NKAIN2: variants seen among roughly 807,000 people sequenced by gnomAD.
NKAIN2 encodes sodium/potassium transporting ATPase interacting 2.
Under a neutral mutation model 32.6 loss-of-function variants are expected in NKAIN2, and 14 were observed. The ratio of observed to expected loss-of-function variants is 0.43; its 90% CI spans 0.28 to 0.67. NKAIN2 has a LOEUF of 0.67. Among genes scored for constraint, NKAIN2 ranks in the 30% least tolerant of loss-of-function variants. NKAIN2 has a pLI of 0.17. For missense variants in NKAIN2, 198 were observed against 258.3 expected, an observed-to-expected ratio of 0.77 and a Z score of 1.60; for synonymous variants, 80 against 87.2, an observed-to-expected ratio of 0.92 and a Z score of 0.46.
In NKAIN2 at chr6:124,004,722, G is replaced by C. The variant is rs1030546959; in HGVS notation, c.54+200468G>C. On this transcript the variant is annotated intron_variant, in intron 1 of 6. Coordinates refer to ENST00000368417, the MANE Select transcript of NKAIN2 (RefSeq NM_001040214.3). ...ACCGGGGCCTGTCAGGTGGTGGGGG[G>C]ATGGGGGAGGTATAGCATTAGGAGA... Among the ~76,000 whole-genome samples the C allele has an allele frequency of 2.0e-5, 3 of 151,862 alleles. No individual in the cohort carries two copies. The East Asian group carries it at 5.8e-4, about 30-fold the overall frequency.
chr6:124,113,618 G>A lies in NKAIN2; in HGVS notation c.55-169387G>A, dbSNP rs140176322. 4.1e-3 allele frequency among the ~76,000 whole-genome samples: 588 copies of A among 144,826 alleles called. 3 individuals carry two copies. Among genetic ancestry groups the A allele is most frequent in the African/African-American group, 0.013 (539 of 40,324 alleles). ...AAAGGCCAGTTCTCTGTGTCCCCCC[G>A]CCCCGACTCCCCACCCTGCTTCCTT... On this transcript the variant is annotated intron_variant, in intron 1 of 6. Transcript: ENST00000368417.
At chr6:124,506,149 C>G (rs1442493697) in intron 3 of NKAIN2, among the ~76,000 whole-genome samples, 1 of 151,658 alleles carries the variant, frequency 6.6e-6, no homozygotes, top group Non-Finnish European at 1.5e-5. Context: ...CCACTGCACT[C>G]CAGCCTCGGG....
rs534856377 is a variant in NKAIN2, at chr6:124,778,057, T to C, written c.475-13282T>C. 7.2e-4 allele frequency among the ~76,000 whole-genome samples: 110 copies of C among 152,020 alleles called. 2 individuals are homozygous for C. The highest frequency in any genetic ancestry group is 2.2e-3 in the African/African-American group (90 of 41,478). On this transcript the variant is annotated intron_variant, in intron 4 of 6. Coordinates refer to ENST00000368417, the MANE Select transcript of NKAIN2 (RefSeq NM_001040214.3). The stretch of plus-strand genomic sequence containing the variant: ...AAGTCATTAAGGTACAGTGAGGAGA[T>C]AGACAGATTGTCATCAAACTTCGCT...
intron 1 of NKAIN2, among the ~76,000 whole-genome samples, chr6:124,106,800 G>T (rs557881382): frequency 1.3e-5 from 2 of 152,092 alleles, no homozygotes; most frequent in Non-Finnish European, 2.9e-5. Context: ...CCTCCTATGT[G>T]TGCCAGGCAC....
chr6:124,054,619 TAG>T (rs1019427167), intron 1 of NKAIN2, among the ~76,000 whole-genome samples: 1 of 152,086 alleles, frequency 6.6e-6, no homozygotes, highest in African/African-American at 2.4e-5. Flanking sequence ...ACTCTAGCCA[TAG>T]AGTCAGAATG....
chr6:124,157,386 T>C (rs1262395415), intron 1 of NKAIN2, among the ~76,000 whole-genome samples: 1 of 152,170 alleles, frequency 6.6e-6, no homozygotes, highest in Non-Finnish European at 1.5e-5. Context: ...ACTTTCCTTC[T>C]TTATTTTCTG....
At chr6:124,195,455 T>C (rs925731728) in intron 1 of NKAIN2, among the ~76,000 whole-genome samples, 4 of 152,162 alleles carry the variant, frequency 2.6e-5, no homozygotes, top group Non-Finnish European at 4.4e-5. Flanking sequence ...TACAGCTTTC[T>C]GCCCACACTT....
intron 1 of NKAIN2, among the ~76,000 whole-genome samples, chr6:124,160,560 A>G (rs1274351069): frequency 6.6e-6 from 1 of 152,178 alleles, no homozygotes; most frequent in Non-Finnish European, 1.5e-5. Flanking sequence ...TGTTTTGCAT[A>G]TATTCAGCTA....
chr6:124,590,925 C>T (rs1237423701), intron 3 of NKAIN2, among the ~76,000 whole-genome samples: 4 of 152,138 alleles, frequency 2.6e-5, no homozygotes, highest in Non-Finnish European at 1.5e-5. Flanking sequence ...GTAGAGAATA[C>T]AATCACTCAA....
intron 1 of NKAIN2, among the ~76,000 whole-genome samples, chr6:123,813,500 T>C (rs1773563609): frequency 6.6e-6 from 1 of 152,172 alleles, no homozygotes; most frequent in Admixed American, 6.5e-5. Context: ...AATTACATAT[T>C]TGAAGGCTTT....
In NKAIN2 at chr6:124,013,714, A is replaced by G. The variant is rs183818795; in HGVS notation, c.54+209460A>G. On this transcript the variant is annotated intron_variant, in intron 1 of 6. Coordinates refer to ENST00000368417, the MANE Select transcript of NKAIN2 (RefSeq NM_001040214.3). The stretch of plus-strand genomic sequence containing the variant: ...CAGGGTTGTTAAACATGAGGGGGAA[A>G]GATTATCCAGGTGGGCCCAGTTTAA... Among the ~76,000 whole-genome samples, 235 of 152,320 alleles carry G rather than the reference A, an allele frequency of 1.5e-3. 1 individual carries two copies. The highest frequency in any genetic ancestry group is 3.4e-3 in the Middle Eastern group (1 of 294).
At chr6:124,637,316 T>A (rs529406138) in intron 3 of NKAIN2, among the ~76,000 whole-genome samples, 3 of 151,994 alleles carry the variant, frequency 2.0e-5, no homozygotes, top group Non-Finnish European at 4.4e-5. Flanking sequence ...AAGCCTTTCC[T>A]CTAAAAAACT....
intron 1 of NKAIN2, among the ~76,000 whole-genome samples, chr6:124,013,582 A>T (rs1780433727): frequency 6.6e-6 from 1 of 152,206 alleles, no homozygotes; most frequent in South Asian, 2.1e-4. Context: ...AGTCATGATA[A>T]TCTGTGTGGT....
chr6:123,946,079 C>G lies in NKAIN2; in HGVS notation c.54+141825C>G, dbSNP rs185474565. 2.6e-3 allele frequency among the ~76,000 whole-genome samples: 399 copies of G among 152,140 alleles called. 2 individuals carry two copies. Among genetic ancestry groups the G allele is most frequent in the Non-Finnish European group, 5.1e-3 (350 of 67,982 alleles). ...CAGTTATTTGAAAATCTGTAACCACCTGTATAGTCTTATTTGCATAATAAA... is the reference window on the plus strand; with the variant it reads ...CAGTTATTTGAAAATCTGTAACCACGTGTATAGTCTTATTTGCATAATAAA... On this transcript the variant is annotated intron_variant, in intron 1 of 6. Coordinates refer to ENST00000368417, the MANE Select transcript of NKAIN2 (RefSeq NM_001040214.3).
chr6:124,219,024 A>C (rs1464812855), intron 1 of NKAIN2, among the ~76,000 whole-genome samples: 3 of 151,996 alleles, frequency 2.0e-5, no homozygotes, highest in Non-Finnish European at 4.4e-5. Flanking sequence ...GGAACTTCCA[A>C]ACGCTTACTG....
chr6:124,028,902 T>C (rs547267844), intron 1 of NKAIN2, among the ~76,000 whole-genome samples: 40 of 81,304 alleles, frequency 4.9e-4, no homozygotes, highest in South Asian at 3.8e-3. Context: ...TATATATATA[T>C]ACACATATAT....
chr6:124,427,426 T>C (rs940589939), intron 3 of NKAIN2, among the ~76,000 whole-genome samples: 2 of 152,236 alleles, frequency 1.3e-5, no homozygotes, highest in Admixed American at 6.5e-5. Flanking sequence ...CATACTTGTA[T>C]GCATAAGCCC....
chr6:124,333,231 C>T (rs1408082179), intron 2 of NKAIN2, among the ~76,000 whole-genome samples: 1 of 152,170 alleles, frequency 6.6e-6, no homozygotes, highest in Non-Finnish European at 1.5e-5. Context: ...TCAAAAACCT[C>T]AATATTAACA....
At chr6:124,716,424 G>A (rs994029919) in intron 4 of NKAIN2, among the ~76,000 whole-genome samples, 3 of 152,198 alleles carry the variant, frequency 2.0e-5, no homozygotes, top group African/African-American at 7.2e-5. Context: ...GCCAGAGTCT[G>A]AGAATATCAG....
Sources: gnomAD v4.1 joint callset for allele counts (sites outside exome capture counted in the v4.1 genomes callset) on GRCh38, gnomAD v4.1.1 for gene constraint, MANE v1.5 for transcripts, NCBI Gene and HGNC (gene_info 2026-07-23, HGNC 2026-07-21) for gene names.